The following SREK1 variants were observed in gnomAD, a reference collection of about 807,000 sequenced individuals.
SREK1 encodes splicing regulatory glutamine/lysine-rich protein 1.
In SREK1, 13 loss-of-function variants were observed where a neutral mutation model predicts 66.5. That is an observed-to-expected ratio of 0.20 (90% confidence interval 0.13 to 0.31). SREK1 has a LOEUF of 0.31. Among genes scored for constraint, SREK1 ranks in the 10% least tolerant of loss-of-function variants. The probability of loss-of-function intolerance (pLI) is 1.00; values close to 1 mark genes in which losing one functional copy is unlikely to be tolerated. For synonymous variants in SREK1, 265 were observed against 263.5 expected, an observed-to-expected ratio of 1.01 and a Z score of -0.05; for missense variants, 607 against 769.6, an observed-to-expected ratio of 0.79 and a Z score of 2.50.
chr5:66,157,134 A>T, intron 2 of SREK1: 1 of 944,524 alleles, frequency 1.1e-6, no homozygotes, highest in Non-Finnish European at 1.3e-6. Flanking sequence ...ATTGAAAGTT[A>T]ATTTATTAAA....
intron 6 of SREK1, 85 bp downstream of exon 6, chr5:66,164,007 T>A: frequency 6.8e-7 from 1 of 1,468,936 alleles, no homozygotes; most frequent in Non-Finnish European, 9.2e-7. Context: ...ATCATCTTGT[T>A]CAGTCACTTC....
chr5:66,149,899 A>T (rs1421816799), intron 1 of SREK1, among the ~76,000 whole-genome samples: 1 of 152,230 alleles, frequency 6.6e-6, no homozygotes. Context: ...GCCTCATGGG[A>T]ACTAGTACTG....
chr5:66,167,380 T>C (rs1236844161), intron 7 of SREK1: 3 of 152,222 alleles, frequency 2.0e-5, no homozygotes, highest in Non-Finnish European at 2.9e-5. Flanking sequence ...GTAAGACATT[T>C]TATAATATTT....
chr5:66,163,976 G>C, intron 6 of SREK1, 54 bp downstream of exon 6: 1 of 1,542,202 alleles, frequency 6.5e-7, no homozygotes, highest in Non-Finnish European at 8.8e-7. Context: ...TAGACTCTTA[G>C]AACTGGAAGG....
chr5:66,169,029 G>A (rs1387965589), intron 7 of SREK1: 2 of 152,138 alleles, frequency 1.3e-5, no homozygotes, highest in African/African-American at 2.4e-5. Flanking sequence ...CACAGGTAGC[G>A]TGTGGCAGAG....
rs544960644 is a variant in SREK1, at chr5:66,154,198, C to T, written c.295+602C>T. Among the ~76,000 whole-genome samples, 23 of 152,254 alleles carry T rather than the reference C, an allele frequency of 1.5e-4. No individual in the cohort carries two copies. The East Asian group carries it at 1.5e-3, about 10-fold the overall frequency. ...AAAGGAAAGCAATTTTCCAAAGCCT[C>T]CATGAAGGAAGTAGTTGTTGAAGAT... On this transcript the variant is annotated intron_variant, in intron 2 of 11. Coordinates refer to ENST00000334121, the MANE Select transcript of SREK1 (RefSeq NM_001077199.3).
intron 10 of SREK1, chr5:66,177,236 GA>G (rs1476552567): frequency 4.4e-6 from 1 of 229,382 alleles, no homozygotes; most frequent in Non-Finnish European, 8.4e-6. Context: ...TTGAATATTC[GA>G]AAACTATTAA....
intron 7 of SREK1, chr5:66,165,210 A>C (rs549913312): frequency 5.4e-6 from 1 of 183,588 alleles, no homozygotes; most frequent in Admixed American, 5.7e-5. Flanking sequence ...AGCTGTTTTC[A>C]TTCTTCATAT....
At chr5:66,148,551 C>T (rs943213614) in intron 1 of SREK1, among the ~76,000 whole-genome samples, 13 of 152,036 alleles carry the variant, frequency 8.6e-5, no homozygotes, top group Non-Finnish European at 4.4e-5. Flanking sequence ...TTTAAGTCAA[C>T]GAATGAGGTC....
chr5:66,177,652 A>C lies in SREK1; in HGVS notation c.1719A>C (p.Ser573=). Residue 573 remains serine, a synonymous_variant, in exon 11 of 12, where the codon TCA becomes TCC. Coordinates refer to ENST00000334121, the MANE Select transcript of SREK1 (RefSeq NM_001077199.3). ...GKEKLEKNST[S]LKEKEHNKEP... ...AGAAGTTGGAGAAGAACAGTACTTC[A>C]CTTAAAGTAAGCAGCAGTCATTCGG... The C allele has an allele frequency of 6.3e-7, 1 of 1,594,570 alleles. No homozygotes were observed. The highest frequency in any genetic ancestry group is 8.5e-7 in the Non-Finnish European group (1 of 1,173,674).
At chr5:66,178,223 A>T (rs1358350120) in intron 11 of SREK1, among the ~76,000 whole-genome samples, 1 of 152,078 alleles carries the variant, frequency 6.6e-6, no homozygotes, top group Non-Finnish European at 1.5e-5. Context: ...CATCAATAAC[A>T]TTGATAACAT....
intron 1 of SREK1, among the ~76,000 whole-genome samples, chr5:66,148,663 T>C (rs1743482264): frequency 6.6e-6 from 1 of 152,212 alleles, no homozygotes; most frequent in African/African-American, 2.4e-5. Context: ...GATTTCACCA[T>C]GTTGCGCAGG....
chr5:66,171,531 A>G (rs952165664), intron 9 of SREK1, among the ~76,000 whole-genome samples: 1 of 152,146 alleles, frequency 6.6e-6, no homozygotes, highest in Non-Finnish European at 1.5e-5. Context: ...GTACAATGAG[A>G]ACAACTTTTG....
rs199632173 is a variant in SREK1, at chr5:66,177,645, G to A, written c.1712G>A (p.Ser571Asn). 3.8e-6 allele frequency: 6 copies of A among 1,596,638 alleles called. No homozygotes were observed. The highest frequency in any genetic ancestry group is 4.3e-6 in the Non-Finnish European group (5 of 1,174,534). Reference sequence around the variant, plus strand: ...GGGAAGGAGAAGTTGGAGAAGAACAGTACTTCACTTAAAGTAAGCAGCAGT... The same window carrying A: ...GGGAAGGAGAAGTTGGAGAAGAACAATACTTCACTTAAAGTAAGCAGCAGT... ...RDGKEKLEKN[S>N]TSLKEKEHNK... The change falls in exon 11 of 12, where the codon AGT becomes AAT. Residue 571 changes from serine to asparagine, a missense_variant. Physicochemically the swap from Ser to Asn is conservative, Grantham distance 46. Coordinates refer to ENST00000334121, the MANE Select transcript of SREK1 (RefSeq NM_001077199.3).
intron 1 of SREK1, 33 bp downstream of exon 1, chr5:66,144,570 C>G: frequency 6.5e-7 from 1 of 1,533,700 alleles, no homozygotes; most frequent in African/African-American, 1.4e-5. Flanking sequence ...GGGAGGGGCG[C>G]GGGCGCCATA....
At chr5:66,169,176 A>G (rs1218196153) in intron 7 of SREK1, 1 of 152,246 alleles carries the variant, frequency 6.6e-6, no homozygotes, top group Non-Finnish European at 1.5e-5. Flanking sequence ...CACATTCTCA[A>G]AAAACTTTTT....
intron 1 of SREK1, among the ~76,000 whole-genome samples, chr5:66,150,172 T>C (rs1743660017): frequency 6.6e-6 from 1 of 152,252 alleles, no homozygotes; most frequent in Non-Finnish European, 1.5e-5. Flanking sequence ...GACTGGTGAC[T>C]AATCATTTAT....
chr5:66,145,270 A>G (rs371392814), intron 1 of SREK1: 2 of 637,524 alleles, frequency 3.1e-6, no homozygotes, highest in East Asian at 2.8e-4. Context: ...CTTCCCAGAT[A>G]GTGTATTTTG....
intron 1 of SREK1, among the ~76,000 whole-genome samples, chr5:66,152,723 A>C (rs1301754517): frequency 1.3e-5 from 2 of 152,198 alleles, no homozygotes; most frequent in African/African-American, 4.8e-5. Flanking sequence ...ACAGATTTTA[A>C]TGAAAAGTAA....
Sources: gnomAD v4.1 joint callset for allele counts (sites outside exome capture counted in the v4.1 genomes callset) on GRCh38, gnomAD v4.1.1 for gene constraint, MANE v1.5 for transcripts, NCBI Gene and HGNC (gene_info 2026-07-23, HGNC 2026-07-21) for gene names.